NBPF9: variants seen among roughly 807,000 people sequenced by gnomAD.
The protein encoded by NBPF9 is NBPF family member NBPF9.
Under a neutral mutation model 97.8 loss-of-function variants are expected in NBPF9, and 91 were observed. That is an observed-to-expected ratio of 0.93 (90% confidence interval 0.79 to 1.11). NBPF9 has a LOEUF of 1.11. Ranked by LOEUF, NBPF9 falls within the 50% of genes least tolerant of loss-of-function variation. The pLI is 0.00. For missense variants in NBPF9, 992 were observed against 939.5 expected, an observed-to-expected ratio of 1.06 and a Z score of -0.73; for synonymous variants, 334 against 359.5, an observed-to-expected ratio of 0.93 and a Z score of 0.80.
intron 4 of NBPF9, among the ~76,000 whole-genome samples, chr1:149,095,623 C>CAA (rs373341524): frequency 1.2e-4 from 12 of 101,216 alleles, no homozygotes; most frequent in African/African-American, 3.8e-4. Context: ...CAACACAAAG[C>CAA]AAAAAAAAAA....
At chr1:149,078,699 G>A (rs1338329606) in intron 9 of NBPF9, among the ~76,000 whole-genome samples, 725 of 98,496 alleles carry the variant, frequency 7.4e-3, no homozygotes, top group East Asian at 0.012. Flanking sequence ...TTAGCCCAGA[G>A]CTCTTTTCAC....
intron 5 of NBPF9, among the ~76,000 whole-genome samples, chr1:149,085,413 T>C (rs1305151742): frequency 1.8e-3 from 270 of 152,304 alleles, no homozygotes; most frequent in Non-Finnish European, 3.3e-3. Flanking sequence ...CTCCAACTTA[T>C]TGCTTCTTCA....
rs1464968917 is a variant in NBPF9 at position 149,079,573 on chromosome 1, C to G, written c.279-352G>C. Among the ~76,000 whole-genome samples the G allele has an allele frequency of 4.1e-5, 6 of 148,090 alleles. No homozygotes were observed. In the East Asian group the frequency reaches 1.2e-3, roughly 29 times the overall value. ...ATACACATAGTGCATCTTGCGGCCA[C>G]TAGATACAAAGCCATGTACAGAAAT... On this transcript the variant is annotated intron_variant, in intron 8 of 29. Coordinates refer to ENST00000584027, the Ensembl canonical transcript of NBPF9.
intron 5 of NBPF9, among the ~76,000 whole-genome samples, chr1:149,084,472 C>G (rs1448421273): frequency 2.7e-5 from 4 of 147,528 alleles, no homozygotes; most frequent in Non-Finnish European, 6.0e-5. Context: ...GGAGCGAGGG[C>G]TACTGCACAG....
chr1:149,075,722 T>G (rs782113426), exon 12 of NBPF9: 3 of 1,606,538 alleles, frequency 1.9e-6, no homozygotes, highest in South Asian at 2.2e-5. Context: ...CTTTGAGGTT[T>G]CTGAACTGCT....
chr1:149,082,711 T>A (rs2080588831), intron 5 of NBPF9, among the ~76,000 whole-genome samples: 1 of 146,164 alleles, frequency 6.8e-6, no homozygotes, highest in Admixed American at 6.8e-5. Context: ...CAACAGGTTA[T>A]ATTTTCTTAA....
chr1:149,055,624 G>A (rs782015432), exon 30 of NBPF9: 8 of 1,611,588 alleles, frequency 5.0e-6, no homozygotes, highest in South Asian at 1.1e-5. Context: ...CCTGCCTGCA[G>A]GAATGACATC....
At chr1:149,095,640 AAG>A (rs2081704461) in intron 4 of NBPF9, among the ~76,000 whole-genome samples, 2 of 147,836 alleles carry the variant, frequency 1.4e-5, no homozygotes, top group African/African-American at 2.5e-5. Context: ...AAAAAAAAAA[AAG>A]GTGAAAGATC....
At chr1:149,074,161 G>A (rs1407690329) in intron 12 of NBPF9, among the ~76,000 whole-genome samples, 1 of 151,444 alleles carries the variant, frequency 6.6e-6, no homozygotes, top group Admixed American at 6.6e-5. Context: ...GTCTGACTCT[G>A]AATGCGGGGC....
rs1553648682 is a variant in NBPF9 at position 149,055,798 on chromosome 1, G to C, written c.3194C>G (p.Ser1065Ter). The C allele has an allele frequency of 1.9e-6, 3 of 1,611,198 alleles. No individual in the cohort carries two copies. Among genetic ancestry groups the C allele is most frequent in the Non-Finnish European group, 2.5e-6 (3 of 1,179,780 alleles). Residue 1065 changes from serine (S) to a stop codon, truncating the protein, a stop_gained, in exon 30 of 30, where the codon TCA (serine) becomes TGA (stop). Coordinates refer to ENST00000584027, the Ensembl canonical transcript of NBPF9. LOFTEE classifies it low-confidence loss of function (END_TRUNC). Reference sequence around the variant, plus strand: ...AAACACACTTCTGTAGTGCTGGAATGAGTCAGGTAGTTCAAAGTACATTGA... The same window carrying C: ...AAACACACTTCTGTAGTGCTGGAATCAGTCAGGTAGTTCAAAGTACATTGA...
At chr1:149,075,571 T>C (rs2079789171) in intron 12 of NBPF9, 84 bp downstream of exon 12, 1 of 1,414,368 alleles carries the variant, frequency 7.1e-7, no homozygotes, top group Admixed American at 1.7e-5. Flanking sequence ...TGACATTATT[T>C]TTGATGGAGA....
chr1:149,060,217 C>G (rs2078509622), intron 24 of NBPF9: 1 of 177,682 alleles, frequency 5.6e-6, no homozygotes, highest in South Asian at 6.7e-5. Context: ...AAAAGGAAAT[C>G]TACAAACCCT....
At chr1:149,075,238 G>C (rs1414258025) in intron 12 of NBPF9, among the ~76,000 whole-genome samples, 30 of 151,762 alleles carry the variant, frequency 2.0e-4, no homozygotes, top group African/African-American at 5.3e-4. Flanking sequence ...CACTAGAACA[G>C]AGCTTTGCCT....
At chr1:149,101,919 T>C (rs2082167924) in intron 2 of NBPF9, among the ~76,000 whole-genome samples, 1 of 144,368 alleles carries the variant, frequency 6.9e-6, no homozygotes, top group South Asian at 2.2e-4. Context: ...ATTCATTACC[T>C]GTACTTTTTT....
rs2152909382 is a variant in NBPF9 at position 149,082,200 on chromosome 1, G to T, written c.-35-26C>A. ...CTGGGGAGAAGAAACCCAAACATAT[G>T]ATGGGTTAAAAACTGGTGAAATCAA... On this transcript the variant is annotated intron_variant, in intron 6 of 29. Transcript: ENST00000584027. 4 of 1,597,504 alleles carry T rather than the reference G, an allele frequency of 2.5e-6. No individual in the cohort carries two copies. In the East Asian group the frequency reaches 8.9e-5, roughly 36 times the overall value.
intron 18 of NBPF9, chr1:149,065,212 G>T (rs1240988930): frequency 1.4e-6 from 1 of 696,310 alleles, no homozygotes; most frequent in East Asian, 2.7e-5. Flanking sequence ...GAGCTGATCT[G>T]ACAGACAACT....
intron 29 of NBPF9, 27 bp from the exon 30 acceptor site, chr1:149,055,926 G>C (rs587731767): frequency 6.2e-7 from 1 of 1,611,524 alleles, no homozygotes; most frequent in African/African-American, 1.3e-5. Context: ...AACTAAAGAA[G>C]CAGCCAGGGA....
chr1:149,064,023 C>G (rs1184892033), intron 19 of NBPF9, among the ~76,000 whole-genome samples: 1,850 of 110,596 alleles, frequency 0.017, 123 homozygotes, highest in African/African-American at 0.06. Context: ...CACAGACACA[C>G]ACACACACAC....
intron 11 of NBPF9, among the ~76,000 whole-genome samples, chr1:149,076,624 T>C (rs1430318776): frequency 1.3e-5 from 2 of 149,440 alleles, no homozygotes; most frequent in Middle Eastern, 3.3e-3. Context: ...TGCCTCAGCC[T>C]CCTGAGTAGC....
Sources: gnomAD v4.1 joint callset for allele counts (sites outside exome capture counted in the v4.1 genomes callset) on GRCh38, gnomAD v4.1.1 for gene constraint, MANE v1.5 for transcripts, NCBI Gene and HGNC (gene_info 2026-07-23, HGNC 2026-07-21) for gene names.